Variants in PLEKHA6 observed in about 807,000 individuals in gnomAD.
PLEKHA6 encodes the protein pleckstrin homology domain containing A6, also known as pleckstrin homology domain-containing family A member 6.
A neutral mutation model predicts 116.7 loss-of-function variants in PLEKHA6; 60 were observed. The ratio of observed to expected loss-of-function variants is 0.51; its 90% CI spans 0.42 to 0.64. The LOEUF is 0.64. PLEKHA6 is among the 30% of genes least tolerant of loss of function. The probability of loss-of-function intolerance (pLI) is 0.00; values close to 1 mark genes in which losing one functional copy is unlikely to be tolerated. For missense variants in PLEKHA6, 1,338 were observed against 1,422.7 expected, an observed-to-expected ratio of 0.94 and a Z score of 0.96; for synonymous variants, 489 against 556.1, an observed-to-expected ratio of 0.88 and a Z score of 1.70.
intron 1 of PLEKHA6, among the ~76,000 whole-genome samples, chr1:204,312,498 G>A (rs933881691): frequency 2.0e-5 from 3 of 152,276 alleles, no homozygotes; most frequent in Admixed American, 6.5e-5. Flanking sequence ...CTTGGGTCTG[G>A]CTCCAGGCCT....
At chr1:204,245,558 A>T in intron 14 of PLEKHA6, 57 bp downstream of exon 14, 1 of 1,015,904 alleles carries the variant, frequency 9.8e-7, no homozygotes, top group Non-Finnish European at 1.5e-6. Context: ...GGTCAGAAAT[A>T]CTGGAGCACT....
At chr1:204,290,355 TAG>T (rs543112601) in intron 1 of PLEKHA6, among the ~76,000 whole-genome samples, 4 of 152,072 alleles carry the variant, frequency 2.6e-5, no homozygotes, top group Non-Finnish European at 5.9e-5. Context: ...TGGAACAGAG[TAG>T]AGAGTTCAGA....
chr1:204,261,603 G>C lies in PLEKHA6; in HGVS notation c.382-155C>G. 1.3e-6 allele frequency: 1 copy of C among 799,686 alleles called. No individual in the cohort carries two copies. The highest frequency in any genetic ancestry group is 2.0e-6 in the Non-Finnish European group (1 of 512,266). 49.5% of individuals were successfully genotyped at this position (799,686 alleles called of 1,614,324 possible). A position where few individuals can be genotyped will look rare whatever the true frequency, so the allele number is the denominator to read the frequency against. On this transcript the variant is annotated intron_variant, in intron 6 of 22. Transcript: ENST00000272203. The surrounding 1 kb of genome is among the most constrained non-coding windows in gnomAD (Gnocchi z 4.0). Reference sequence around the variant, plus strand: ...TTCCCCATGCGGAGCTCAGGAGCAAGGTGAAGAGGGCAGCTTGCAGCTACC... The same window carrying C: ...TTCCCCATGCGGAGCTCAGGAGCAACGTGAAGAGGGCAGCTTGCAGCTACC...
intron 1 of PLEKHA6, among the ~76,000 whole-genome samples, chr1:204,328,486 T>C (rs1331547526): frequency 6.6e-6 from 1 of 151,046 alleles, no homozygotes; most frequent in Non-Finnish European, 1.5e-5. Context: ...AACCTCTGCC[T>C]CTCGGGTTTC....
chr1:204,342,536 C>A (rs1672885645), intron 1 of PLEKHA6, among the ~76,000 whole-genome samples: 1 of 152,188 alleles, frequency 6.6e-6, no homozygotes, highest in African/African-American at 2.4e-5. Context: ...GCATATGAAT[C>A]ACCTGGAGGG....
chr1:204,299,538 C>T (rs770421557), intron 1 of PLEKHA6: 138 of 738,834 alleles, frequency 1.9e-4, no homozygotes, highest in African/African-American at 9.6e-4. Flanking sequence ...AGCTCTGAGC[C>T]GGCAGCCAGC....
chr1:204,332,798 C>A (rs371382282), intron 1 of PLEKHA6, among the ~76,000 whole-genome samples: 2 of 152,212 alleles, frequency 1.3e-5, no homozygotes, highest in African/African-American at 4.8e-5. Flanking sequence ...CCTGGCTCTG[C>A]CCCTTGCTGG....
intron 1 of PLEKHA6, among the ~76,000 whole-genome samples, chr1:204,375,668 C>T (rs938128): frequency 0.61 from 92,733 of 151,510 alleles, 30,423 homozygotes; most frequent in Middle Eastern, 0.76. Context: ...TAAACACAGA[C>T]TCGATGATGT....
chr1:204,289,744 C>G (rs1265105268), intron 1 of PLEKHA6, among the ~76,000 whole-genome samples: 1 of 152,192 alleles, frequency 6.6e-6, no homozygotes, highest in East Asian at 1.9e-4. Context: ...CAGAAAGATG[C>G]TCATGCTTTT....
chr1:204,275,822 A>G, intron 1 of PLEKHA6: 2 of 505,176 alleles, frequency 4.0e-6, no homozygotes, highest in Non-Finnish European at 5.1e-6. Flanking sequence ...TAGATGAGTT[A>G]AGGGCCTTTT....
intron 1 of PLEKHA6, among the ~76,000 whole-genome samples, chr1:204,355,042 A>G (rs1188052546): frequency 6.6e-6 from 1 of 152,232 alleles, no homozygotes; most frequent in Non-Finnish European, 1.5e-5. Flanking sequence ...TGTGCCAGTA[A>G]GGCCACAGTT....
At chr1:204,224,666 G>T (rs1660088102) in intron 21 of PLEKHA6, among the ~76,000 whole-genome samples, 1 of 152,158 alleles carries the variant, frequency 6.6e-6, no homozygotes, top group Non-Finnish European at 1.5e-5. Context: ...TTGTGCATGG[G>T]ATCTGGCAAG....
At chr1:204,260,548 G>A (rs1018415395) in intron 7 of PLEKHA6, among the ~76,000 whole-genome samples, 13 of 152,206 alleles carry the variant, frequency 8.5e-5, no homozygotes, top group Non-Finnish European at 2.9e-5. Context: ...TGGTTGAAGC[G>A]AAGATGGAAA....
At chr1:204,278,468 G>T (rs903700997) in intron 1 of PLEKHA6, among the ~76,000 whole-genome samples, 1 of 152,178 alleles carries the variant, frequency 6.6e-6, no homozygotes, top group Admixed American at 6.5e-5. Context: ...TGTTGCTATG[G>T]CAATTCTGTG....
intron 1 of PLEKHA6, among the ~76,000 whole-genome samples, chr1:204,339,457 A>T (rs183112309): frequency 6.6e-6 from 1 of 152,254 alleles, no homozygotes; most frequent in Non-Finnish European, 1.5e-5. Context: ...GGCAAGGATC[A>T]TACTCAAAAT....
rs1345792765 is a variant in PLEKHA6 at position 204,223,385 on chromosome 1, G to A, written c.*8+77C>T. On this transcript the variant is annotated intron_variant, in intron 22 of 22. Coordinates refer to ENST00000272203, the MANE Select transcript of PLEKHA6 (RefSeq NM_014935.5). The surrounding 1 kb of genome is among the most constrained non-coding windows in gnomAD (Gnocchi z 4.8). ...GGGAGAAGCAATACCAAAATGAGAG[G>A]GCATAGATGGCTCAATGGGGGTGAA... 1 of 751,632 alleles carries A rather than the reference G, an allele frequency of 1.3e-6. No homozygotes were observed. Among genetic ancestry groups the A allele is most frequent in the Admixed American group, 2.0e-5 (1 of 49,940 alleles). 46.6% of individuals were successfully genotyped at this position (751,632 alleles called of 1,614,324 possible).
At chr1:204,305,309 G>T (rs924025576) in intron 1 of PLEKHA6, among the ~76,000 whole-genome samples, 3 of 152,174 alleles carry the variant, frequency 2.0e-5, no homozygotes, top group African/African-American at 7.2e-5. Context: ...GCTGGGCAGT[G>T]GGGTAGAGGG....
chr1:204,297,122 T>G (rs1670361110), intron 1 of PLEKHA6: 4 of 983,648 alleles, frequency 4.1e-6, no homozygotes, highest in Non-Finnish European at 4.8e-6. Flanking sequence ...AGAGATAAAA[T>G]CCGAATCAGA....
rs1667709370 is a variant in PLEKHA6 at position 204,273,666 on chromosome 1, T to C, written c.62A>G (p.Asn21Ser). The change falls in exon 3 of 23, where the codon AAC becomes AGC. Residue 21 changes from asparagine to serine, a missense_variant. Around this residue, in one of 3 missense-constraint regions of PLEKHA6, gnomAD observed 62 missense variants for 61.7 expected, o/e 1.01. Coordinates refer to ENST00000272203, the MANE Select transcript of PLEKHA6 (RefSeq NM_014935.5). ...ATTNSDIPNH[N>S]MVSEVPPERP... Reference sequence around the variant, plus strand: ...CTCTGGAGGGACCTCGGACACCATGTTGTGGTTGGGTATGTCACTGTTGGT... The same window carrying C: ...CTCTGGAGGGACCTCGGACACCATGCTGTGGTTGGGTATGTCACTGTTGGT... 1.9e-6 allele frequency: 3 copies of C among 1,614,226 alleles called. No individual in the cohort carries two copies. The highest frequency in any genetic ancestry group is 1.6e-4 in the Middle Eastern group (1 of 6,062).
Sources: allele counts gnomAD v4.1 joint callset (sites outside exome capture counted in the v4.1 genomes callset), GRCh38; gene constraint gnomAD v4.1.1; regional missense constraint gnomAD v4.1.1; non-coding constraint Gnocchi (gnomAD v3.1); transcripts MANE v1.5; gene names NCBI Gene and HGNC (gene_info 2026-07-23, HGNC 2026-07-21).